Variants in ATP10A observed in about 807,000 individuals in gnomAD.
ATP10A encodes the protein ATPase phospholipid transporting 10A (putative).
ATP10A carries 111 observed loss-of-function variants against 147.8 expected under a neutral mutation model. That is an observed-to-expected ratio of 0.75 (90% CI 0.64 to 0.88). The LOEUF is 0.88. Among genes scored for constraint, ATP10A ranks in the 40% least tolerant of loss-of-function variants. ATP10A has a pLI of 0.00. For synonymous variants in ATP10A, 875 were observed against 841.6 expected (o/e 1.04, Z -0.69); for missense variants, 1,927 against 1,959.0 (o/e 0.98, Z 0.31).
chr15:25,682,610 A>G (rs1435486472), intron 17 of ATP10A, among the ~76,000 whole-genome samples: 2 of 152,246 alleles, frequency 1.3e-5, no homozygotes, highest in Admixed American at 6.5e-5. Context: ...GATAACAAGC[A>G]GAGGCCCTGC....
chr15:25,765,606 C>T (rs191597274), intron 2 of ATP10A, among the ~76,000 whole-genome samples: 140 of 152,310 alleles, frequency 9.2e-4, no homozygotes, highest in South Asian at 5.6e-3. Flanking sequence ...ATCATTGAGA[C>T]GCAGCTTCCT....
intron 16 of ATP10A, 42 bp downstream of exon 16, chr15:25,687,661 A>G: frequency 7.3e-7 from 1 of 1,369,176 alleles, no homozygotes; most frequent in South Asian, 1.7e-5. Context: ...TAAGAACCGA[A>G]CCTTCCAATC....
At chr15:25,743,523 T>G (rs1458759251) in intron 2 of ATP10A, among the ~76,000 whole-genome samples, 1 of 152,222 alleles carries the variant, frequency 6.6e-6, no homozygotes, top group African/African-American at 2.4e-5. Context: ...TTGAGGTTTC[T>G]TTTCCCTGAG....
intron 3 of ATP10A, among the ~76,000 whole-genome samples, chr15:25,732,514 T>C (rs976275149): frequency 2.6e-5 from 4 of 151,652 alleles, no homozygotes; most frequent in African/African-American, 9.7e-5. Context: ...CCACTTTCTG[T>C]GTCTAAGATT....
intron 1 of ATP10A, among the ~76,000 whole-genome samples, chr15:25,821,683 C>A (rs2140846028): frequency 6.6e-6 from 1 of 152,218 alleles, no homozygotes; most frequent in South Asian, 2.1e-4. Context: ...ATAATGAAGT[C>A]AATGGTCACA....
intron 3 of ATP10A, among the ~76,000 whole-genome samples, chr15:25,734,152 C>G (rs962696491): frequency 1.3e-5 from 2 of 152,132 alleles, no homozygotes; most frequent in Admixed American, 1.3e-4. Flanking sequence ...ATGCTCCTCC[C>G]GTCTCCTGCA....
At chr15:25,690,204 A>T (rs1899943393) in intron 15 of ATP10A, among the ~76,000 whole-genome samples, 1 of 150,672 alleles carries the variant, frequency 6.6e-6, no homozygotes, top group African/African-American at 2.4e-5. Flanking sequence ...TATTCATGAC[A>T]CACCTACGTT....
intron 2 of ATP10A, among the ~76,000 whole-genome samples, chr15:25,752,443 C>CGGTTGCTTTAG (rs1259893233): frequency 1.3e-5 from 2 of 152,124 alleles, no homozygotes; most frequent in Non-Finnish European, 2.9e-5. Context: ...GAATCTAAAG[C>CGGTTGCTTTAG]AACCAAACTC....
intron 1 of ATP10A, among the ~76,000 whole-genome samples, chr15:25,825,724 G>T (rs1801931029): frequency 6.6e-6 from 1 of 151,776 alleles, no homozygotes; most frequent in African/African-American, 2.4e-5. Context: ...CAAACCCTGG[G>T]GAGAAAAAAA....
downstream of ATP10A, among the ~76,000 whole-genome samples, chr15:25,675,068 G>C (rs149162793): frequency 7.2e-3 from 1,100 of 152,332 alleles, 16 homozygotes; most frequent in African/African-American, 0.025. Flanking sequence ...ATGGCTGTGG[G>C]TGTGCGCACG....
chr15:25,698,793 T>C (rs1900497701), intron 13 of ATP10A, among the ~76,000 whole-genome samples: 1 of 152,190 alleles, frequency 6.6e-6, no homozygotes, highest in Non-Finnish European at 1.5e-5. Context: ...TTAAATACAT[T>C]TTCAACTTAT....
In ATP10A at chr15:25,821,785, T is replaced by C. The variant is rs73368971; in HGVS notation, c.450-40562A>G. 3.6e-3 allele frequency among the ~76,000 whole-genome samples: 547 copies of C among 152,314 alleles called. 4 individuals carry two copies. Among genetic ancestry groups the C allele is most frequent in the African/African-American group, 0.013 (533 of 41,566 alleles). The stretch of plus-strand genomic sequence containing the variant: ...AAACATAATACTGTTGGGACAAACA[T>C]GGGACACAAAACTACAGCTATGCCA... On this transcript the variant is annotated intron_variant, in intron 1 of 20. Coordinates refer to ENST00000555815, the MANE Select transcript of ATP10A (RefSeq NM_024490.4).
At chr15:25,743,272 G>A (rs1325001829) in intron 2 of ATP10A, among the ~76,000 whole-genome samples, 1 of 152,178 alleles carries the variant, frequency 6.6e-6, no homozygotes, top group African/African-American at 2.4e-5. Flanking sequence ...AGACTGAAAT[G>A]GCAACAGAAA....
chr15:25,746,086 C>T (rs756585830), intron 2 of ATP10A, among the ~76,000 whole-genome samples: 8 of 152,088 alleles, frequency 5.3e-5, no homozygotes, highest in Non-Finnish European at 8.8e-5. Context: ...CTATGTCAGA[C>T]TGAATTTAAA....
At chr15:25,744,347 T>G (rs185175629) in intron 2 of ATP10A, among the ~76,000 whole-genome samples, 43 of 152,278 alleles carry the variant, frequency 2.8e-4, no homozygotes, top group Non-Finnish European at 8.8e-5. Context: ...TGTGTGCACA[T>G]GTATGTGTGT....
chr15:25,831,230 G>A (rs1035530442), intron 1 of ATP10A, among the ~76,000 whole-genome samples: 45 of 152,066 alleles, frequency 3.0e-4, no homozygotes, highest in Admixed American at 2.6e-4. Context: ...CGGGGGCCTC[G>A]GGGGCTCCAC....
At chr15:25,756,154 T>C (rs1438722246) in intron 2 of ATP10A, among the ~76,000 whole-genome samples, 1 of 152,234 alleles carries the variant, frequency 6.6e-6, no homozygotes, top group African/African-American at 2.4e-5. Context: ...TTAGGGTTCC[T>C]AGCTAGCAAT....
At chr15:25,692,186 T>C (rs1900076634) in intron 14 of ATP10A, among the ~76,000 whole-genome samples, 1 of 152,068 alleles carries the variant, frequency 6.6e-6, no homozygotes, top group East Asian at 1.9e-4. Flanking sequence ...TCCCGGGCAG[T>C]TTCTAAACTA....
intron 16 of ATP10A, chr15:25,683,806 G>C (rs1018056385): frequency 2.8e-6 from 1 of 357,472 alleles, no homozygotes; most frequent in Non-Finnish European, 5.2e-6. Flanking sequence ...ACAAAATCAA[G>C]GTTTCACAGG....
Sources: gnomAD v4.1 joint callset for allele counts (sites outside exome capture counted in the v4.1 genomes callset) on GRCh38, gnomAD v4.1.1 for gene constraint, MANE v1.5 for transcripts, NCBI Gene and HGNC (gene_info 2026-07-23, HGNC 2026-07-21) for gene names.